CACNB2: variants seen among roughly 807,000 people sequenced by gnomAD.
CACNB2 encodes voltage-dependent L-type calcium channel subunit beta-2.
In CACNB2, 42 loss-of-function variants were observed where a neutral mutation model predicts 73.3. The ratio of observed to expected loss-of-function variants is 0.57; its 90% CI spans 0.45 to 0.74. The LOEUF is 0.74. Ranked by LOEUF, CACNB2 falls within the 30% of genes least tolerant of loss-of-function variation. The probability of loss-of-function intolerance (pLI) is 0.00; values close to 1 mark genes in which losing one functional copy is unlikely to be tolerated. For missense variants in CACNB2, 940 were observed against 853.0 expected (o/e 1.10, Z -1.27); for synonymous variants, 348 against 310.3 (o/e 1.12, Z -1.28).
chr10:18,434,290 A>C (rs748172825), intron 3 of CACNB2, among the ~76,000 whole-genome samples: 3 of 152,196 alleles, frequency 2.0e-5, no homozygotes, highest in African/African-American at 4.8e-5. Context: ...AAGCACTTCA[A>C]ATATTTCAGG....
chr10:18,362,052 C>T (rs1254511031), intron 2 of CACNB2, among the ~76,000 whole-genome samples: 1 of 152,148 alleles, frequency 6.6e-6, no homozygotes, highest in Non-Finnish European at 1.5e-5. Flanking sequence ...TGATCTCAAG[C>T]TCCTGGGCTC....
At chr10:18,202,905 C>T (rs955984411) in intron 2 of CACNB2, among the ~76,000 whole-genome samples, 1 of 152,156 alleles carries the variant, frequency 6.6e-6, no homozygotes, top group Admixed American at 6.5e-5. Context: ...CTGTATAATT[C>T]AGTCAGTTTC....
rs7069473 is a variant in CACNB2, at chr10:18,269,112, A to T, written c.213+118137A>T. 3.8e-3 allele frequency among the ~76,000 whole-genome samples: 586 copies of T among 152,300 alleles called. 11 individuals carry two copies. The highest frequency in any genetic ancestry group is 0.014 in the African/African-American group (562 of 41,566). Reference sequence around the variant, plus strand: ...AGGGTGATCAAGTCCTACTGAGTTGATTTGCACTGTGGTACACCTTCGTTG... The same window carrying T: ...AGGGTGATCAAGTCCTACTGAGTTGTTTTGCACTGTGGTACACCTTCGTTG... On this transcript the variant is annotated intron_variant, in intron 2 of 13. Coordinates refer to ENST00000324631, the MANE Select transcript of CACNB2 (RefSeq NM_201596.3).
chr10:18,427,118 G>T (rs1393214792), intron 3 of CACNB2, among the ~76,000 whole-genome samples: 1 of 151,832 alleles, frequency 6.6e-6, no homozygotes, highest in Non-Finnish European at 1.5e-5. Flanking sequence ...ACCACGCCCG[G>T]CTAATTTTGT....
In CACNB2 at chr10:18,540,738, G is replaced by C. The variant is rs2054028332; in HGVS notation, c.*1014G>C. The stretch of plus-strand genomic sequence containing the variant: ...TGCACGTGTGTGTGTCCGTATGTAA[G>C]AAAGTGTGCACCGAGTGACTGAATG... On this transcript the variant is annotated 3_prime_UTR_variant, in exon 14 of 14. Transcript: ENST00000324631. 6.6e-6 allele frequency: 1 copy of C among 152,640 alleles called. No individual in the cohort carries two copies. Among genetic ancestry groups the C allele is most frequent in the African/African-American group, 2.4e-5 (1 of 41,456 alleles). 9.5% of individuals were successfully genotyped at this position (152,640 alleles called of 1,614,324 possible).
chr10:18,447,937 T>C lies in CACNB2; in HGVS notation c.333+45894T>C, dbSNP rs567844832. Among the ~76,000 whole-genome samples, 8 of 152,148 alleles carry C rather than the reference T, an allele frequency of 5.3e-5. No individual in the cohort carries two copies. In the East Asian group the frequency reaches 1.5e-3, roughly 29 times the overall value. On this transcript the variant is annotated intron_variant, in intron 3 of 13. Transcript: ENST00000324631. ...AAGGGCATGGGCAAAATGAACAGGA[T>C]TAAGTAGAAGAAAAGAAGCAGAAAA... is the stretch of plus-strand genomic sequence containing the variant.
chr10:18,388,337 A>T (rs756892451), intron 2 of CACNB2, among the ~76,000 whole-genome samples: 1 of 152,224 alleles, frequency 6.6e-6, no homozygotes, highest in Non-Finnish European at 1.5e-5. Flanking sequence ...GCACATTTCC[A>T]GCTAAATAAT....
At chr10:18,273,153 T>A (rs755176170) in intron 2 of CACNB2, among the ~76,000 whole-genome samples, 1 of 151,880 alleles carries the variant, frequency 6.6e-6, no homozygotes, top group Non-Finnish European at 1.5e-5. Flanking sequence ...CTCCTTGGAG[T>A]CTATCTTTTG....
chr10:18,534,917 G>A (rs1306810814), intron 11 of CACNB2, among the ~76,000 whole-genome samples: 6 of 152,162 alleles, frequency 3.9e-5, no homozygotes, highest in African/African-American at 1.4e-4. Context: ...GACAAAATAA[G>A]CCTGTCACTT....
intron 5 of CACNB2, among the ~76,000 whole-genome samples, chr10:18,505,811 G>T (rs1242842144): frequency 6.6e-6 from 1 of 152,108 alleles, no homozygotes; most frequent in Non-Finnish European, 1.5e-5. Context: ...TTCAAATTTG[G>T]TAGTTCGGAA....
chr10:18,531,412 C>T (rs10741099), intron 10 of CACNB2, among the ~76,000 whole-genome samples: 94,332 of 151,998 alleles, frequency 0.62, 30,295 homozygotes, highest in East Asian at 0.97. Flanking sequence ...CACTCCATCA[C>T]TGATGGGCCT....
rs547458018 is a variant in CACNB2, at chr10:18,225,613, G to A, written c.213+74638G>A. 1.0e-3 allele frequency among the ~76,000 whole-genome samples: 116 copies of A among 116,060 alleles called. 1 individual carries two copies. Among genetic ancestry groups the A allele is most frequent in the African/African-American group, 3.6e-3 (109 of 30,224 alleles). 76.1% of individuals were successfully genotyped at this position (116,060 alleles called of 152,430 possible). A position where few individuals can be genotyped will look rare whatever the true frequency, so the allele number is the denominator to read the frequency against. ...CCTTCCTTCCTTCCTTTCTTCCGTC[G>A]TTTCTTCCTTCCTTCCTTTCTTTCT... On this transcript the variant is annotated intron_variant, in intron 2 of 13. Coordinates refer to ENST00000324631, the MANE Select transcript of CACNB2 (RefSeq NM_201596.3).
chr10:18,392,195 G>T (rs1414181385), intron 2 of CACNB2, among the ~76,000 whole-genome samples: 1 of 152,150 alleles, frequency 6.6e-6, no homozygotes, highest in Non-Finnish European at 1.5e-5. Context: ...GGAGAGCGAG[G>T]TGGCAGGGAG....
Position 18,267,811 on chromosome 10 carries a change from C to T in CACNB2, c.213+116836C>T, listed in dbSNP as rs146804193. 1.2e-3 allele frequency among the ~76,000 whole-genome samples: 177 copies of T among 152,282 alleles called. 3 individuals carry two copies. Among genetic ancestry groups the T allele is most frequent in the Middle Eastern group, 0.01 (3 of 292 alleles). On this transcript the variant is annotated intron_variant, in intron 2 of 13. Transcript: ENST00000324631. ...CAGCACAGCCCCAGTTAACACCTAT[C>T]ACTTTTTCTTCCCATTGGAGAGGCA... is the stretch of plus-strand genomic sequence containing the variant.
intron 2 of CACNB2, among the ~76,000 whole-genome samples, chr10:18,177,637 A>G (rs180886789): frequency 6.6e-6 from 1 of 152,136 alleles, no homozygotes; most frequent in East Asian, 1.9e-4. Flanking sequence ...GGGAAGAAAA[A>G]GAAAAGGAGG....
chr10:18,453,898 G>A (rs1416111677), intron 3 of CACNB2, among the ~76,000 whole-genome samples: 1 of 152,164 alleles, frequency 6.6e-6, no homozygotes, highest in Non-Finnish European at 1.5e-5. Flanking sequence ...GCCTCACAAG[G>A]TGCTGGGATT....
At chr10:18,419,214 A>G (rs188240972) in intron 3 of CACNB2, among the ~76,000 whole-genome samples, 57 of 152,346 alleles carry the variant, frequency 3.7e-4, no homozygotes, top group African/African-American at 9.1e-4. Flanking sequence ...GCTTAATTCT[A>G]TGAGTTTAAG....
intron 2 of CACNB2, among the ~76,000 whole-genome samples, chr10:18,331,910 C>T (rs1222425214): frequency 1.3e-5 from 2 of 151,912 alleles, no homozygotes; most frequent in Admixed American, 6.6e-5. Flanking sequence ...TGATTAGGGG[C>T]GCAGGGTGGG....
At chr10:18,465,450 C>T (rs1417834969) in intron 3 of CACNB2, among the ~76,000 whole-genome samples, 5 of 152,146 alleles carry the variant, frequency 3.3e-5, no homozygotes, top group Non-Finnish European at 5.9e-5. Context: ...AAAAAATGTA[C>T]AGATGAGAAG....
Sources: gnomAD v4.1 joint callset for allele counts (sites outside exome capture counted in the v4.1 genomes callset) on GRCh38, gnomAD v4.1.1 for gene constraint, MANE v1.5 for transcripts, NCBI Gene and HGNC (gene_info 2026-07-23, HGNC 2026-07-21) for gene names.